Variants in DISC1 observed in about 807,000 individuals in gnomAD.
DISC1 encodes the protein disrupted in schizophrenia 1 protein.
Under a neutral mutation model 84.5 loss-of-function variants are expected in DISC1, and 57 were observed. The ratio of observed to expected loss-of-function variants is 0.67; its 90% CI spans 0.55 to 0.84. The LOEUF (loss-of-function observed/expected upper bound fraction) is 0.84. Among genes scored for constraint, DISC1 ranks in the 40% least tolerant of loss-of-function variants. DISC1 has a pLI of 0.00. For synonymous variants in DISC1, 411 were observed against 415.2 expected, an observed-to-expected ratio of 0.99 and a Z score of 0.12; for missense variants, 1,000 against 1,057.8, an observed-to-expected ratio of 0.95 and a Z score of 0.76.
chr1:231,804,436 G>A (rs1393861861), intron 8 of DISC1, among the ~76,000 whole-genome samples: 1 of 151,622 alleles, frequency 6.6e-6, no homozygotes. Flanking sequence ...GGATGCAGTA[G>A]AGAACAGGAC....
chr1:231,930,567 G>A (rs939543152), intron 9 of DISC1, among the ~76,000 whole-genome samples: 4 of 152,100 alleles, frequency 2.6e-5, no homozygotes, highest in South Asian at 2.1e-4. Context: ...CAGGCAGTGG[G>A]AGCCTCTGGA....
intron 9 of DISC1, among the ~76,000 whole-genome samples, chr1:231,852,635 T>G (rs776714990): frequency 9.2e-5 from 14 of 152,374 alleles, no homozygotes; most frequent in Non-Finnish European, 1.6e-4. Flanking sequence ...TTCCTCAGGC[T>G]TCACAGTTTC....
intron 1 of DISC1, among the ~76,000 whole-genome samples, chr1:231,646,513 T>C (rs1448246173): frequency 6.6e-6 from 1 of 152,188 alleles, no homozygotes; most frequent in African/African-American, 2.4e-5. Flanking sequence ...CCTTTGGGTA[T>C]ATAAATAGCA....
intron 9 of DISC1, among the ~76,000 whole-genome samples, chr1:231,885,452 C>T (rs547209646): frequency 1.3e-5 from 2 of 152,242 alleles, no homozygotes; most frequent in African/African-American, 4.8e-5. Context: ...CACAATACTC[C>T]GGTGATAGTT....
chr1:231,797,156 C>T (rs966807996), intron 7 of DISC1, among the ~76,000 whole-genome samples: 4 of 152,156 alleles, frequency 2.6e-5, no homozygotes, highest in South Asian at 4.1e-4. Flanking sequence ...TGTACACCAA[C>T]GTTGAGGATA....
At chr1:231,828,191 G>T (rs1487452275) in intron 9 of DISC1, among the ~76,000 whole-genome samples, 3 of 152,068 alleles carry the variant, frequency 2.0e-5, no homozygotes, top group Non-Finnish European at 2.9e-5. Flanking sequence ...CCCCAAGAAA[G>T]AACCAAATAC....
chr1:231,939,305 A>G (rs2091164414), intron 9 of DISC1, among the ~76,000 whole-genome samples: 1 of 152,218 alleles, frequency 6.6e-6, no homozygotes, highest in Non-Finnish European at 1.5e-5. Flanking sequence ...CCTGGCATGT[A>G]GTAGTTGCTC....
At chr1:231,743,979 C>T (rs1171497665) in intron 3 of DISC1, among the ~76,000 whole-genome samples, 3 of 152,012 alleles carry the variant, frequency 2.0e-5, no homozygotes, top group South Asian at 2.1e-4. Flanking sequence ...TTGAGAGGCA[C>T]GCTGTGACTC....
chr1:231,673,495 C>A (rs1394224765), intron 1 of DISC1, among the ~76,000 whole-genome samples: 1 of 152,108 alleles, frequency 6.6e-6, no homozygotes, highest in East Asian at 1.9e-4. Context: ...ATCTGGCTTT[C>A]TTCTTGGCTA....
chr1:231,885,834 A>G (rs1272871969), intron 9 of DISC1, among the ~76,000 whole-genome samples: 1 of 152,196 alleles, frequency 6.6e-6, no homozygotes, highest in Non-Finnish European at 1.5e-5. Flanking sequence ...GCAGGAGCTA[A>G]GACTGCAAGA....
intron 10 of DISC1, among the ~76,000 whole-genome samples, chr1:231,984,172 C>T (rs2102883530): frequency 6.6e-6 from 1 of 152,234 alleles, no homozygotes; most frequent in East Asian, 1.9e-4. Flanking sequence ...TGCAGTCAGT[C>T]CTTCTGTAAT....
intron 1 of DISC1, among the ~76,000 whole-genome samples, chr1:231,666,349 C>T (rs984831525): frequency 5.4e-5 from 8 of 148,074 alleles, no homozygotes; most frequent in African/African-American, 1.5e-4. Context: ...GAATTAATCT[C>T]TCCAGGGAAA....
At chr1:231,790,085 G>A (rs1475635191) in intron 6 of DISC1, among the ~76,000 whole-genome samples, 1 of 152,024 alleles carries the variant, frequency 6.6e-6, no homozygotes, top group African/African-American at 2.4e-5. Context: ...CACGTTTATT[G>A]TAGCAGCCCA....
chr1:231,795,097 T>A (rs1458257329), intron 6 of DISC1, 145 bp from the exon 7 acceptor site: 1 of 757,156 alleles, frequency 1.3e-6, no homozygotes, highest in East Asian at 2.6e-5. Context: ...CGTAGTCAAA[T>A]GGAGCCAATT....
intron 1 of DISC1, among the ~76,000 whole-genome samples, chr1:231,635,243 C>A (rs1012907824): frequency 6.6e-6 from 1 of 152,006 alleles, no homozygotes; most frequent in Non-Finnish European, 1.5e-5. Flanking sequence ...TTATCTCCCC[C>A]CAAGCAAATT....
chr1:231,656,043 G>T (rs2061036167), intron 1 of DISC1, among the ~76,000 whole-genome samples: 1 of 152,152 alleles, frequency 6.6e-6, no homozygotes, highest in Non-Finnish European at 1.5e-5. Context: ...CATTCTGTGA[G>T]TTGTGTGTTT....
intron 9 of DISC1, among the ~76,000 whole-genome samples, chr1:231,920,003 A>G (rs534643119): frequency 6.6e-6 from 1 of 152,182 alleles, no homozygotes; most frequent in Admixed American, 6.5e-5. Context: ...TTTAGACCAG[A>G]CACCTCTTTG....
chr1:232,003,437 G>A (rs1329278421), intron 10 of DISC1, among the ~76,000 whole-genome samples: 2 of 152,004 alleles, frequency 1.3e-5, no homozygotes, highest in Non-Finnish European at 2.9e-5. Flanking sequence ...GAACCCCTAG[G>A]TATCTAACAT....
At chr1:231,899,659 C>A (rs1558707625) in intron 9 of DISC1, among the ~76,000 whole-genome samples, 1 of 152,154 alleles carries the variant, frequency 6.6e-6, no homozygotes, top group Non-Finnish European at 1.5e-5. Context: ...TAATAATAAT[C>A]ATCATTAGTG....
Sources: allele counts gnomAD v4.1 joint callset (sites outside exome capture counted in the v4.1 genomes callset), GRCh38; gene constraint gnomAD v4.1.1; transcripts MANE v1.5; gene names NCBI Gene and HGNC (gene_info 2026-07-23, HGNC 2026-07-21).